The following GABRG3 variants were observed in gnomAD, a reference collection of about 807,000 sequenced individuals.
GABRG3 encodes the protein gamma-aminobutyric acid type A receptor subunit gamma3, also known as gamma-aminobutyric acid receptor subunit gamma-3.
A neutral mutation model predicts 48.8 loss-of-function variants in GABRG3; 25 were observed. That is an observed-to-expected ratio of 0.51 (90% CI 0.37 to 0.72). GABRG3 has a LOEUF of 0.72. GABRG3 is among the 30% of genes least tolerant of loss of function. GABRG3 has a pLI of 0.00. For synonymous variants in GABRG3, 227 were observed against 217.6 expected, an observed-to-expected ratio of 1.04 and a Z score of -0.38; for missense variants, 394 against 577.9, an observed-to-expected ratio of 0.68 and a Z score of 3.26.
chr15:27,129,381 C>T (rs544545195), intron 3 of GABRG3, among the ~76,000 whole-genome samples: 1 of 152,256 alleles, frequency 6.6e-6, no homozygotes, highest in African/African-American at 2.4e-5. Flanking sequence ...CTTAGCATTT[C>T]CTTCCTTTTT....
intron 3 of GABRG3, among the ~76,000 whole-genome samples, chr15:27,037,562 A>G (rs1254430554): frequency 6.6e-6 from 1 of 151,970 alleles, no homozygotes; most frequent in African/African-American, 2.4e-5. Context: ...CTTCCCATAC[A>G]TCTTTCTGCA....
chr15:27,001,887 A>AGTTTTTTTTTTTT (rs1895453928), intron 2 of GABRG3, among the ~76,000 whole-genome samples: 1 of 51,526 alleles, frequency 1.9e-5, no homozygotes, highest in South Asian at 6.5e-4. Context: ...CCCATAACTC[A>AGTTTTTTTTTTTT]GTTTTTTTTT....
At chr15:27,052,120 G>A (rs1896465482) in intron 3 of GABRG3, among the ~76,000 whole-genome samples, 1 of 152,142 alleles carries the variant, frequency 6.6e-6, no homozygotes, top group South Asian at 2.1e-4. Flanking sequence ...ACTGATACCC[G>A]GCCACAGATC....
Position 27,328,845 on chromosome 15 carries a change from C to A in GABRG3, c.531C>A (p.Asn177Lys). The A allele has an allele frequency of 1.9e-6, 3 of 1,614,070 alleles. No individual in the cohort carries two copies. The highest frequency in any genetic ancestry group is 2.5e-6 in the Non-Finnish European group (3 of 1,179,902). ...INAECQLQLH[N>K]FPMDEHSCPL... ...CTGAGTGCCAGCTGCAGCTGCACAA[C>A]TTCCCCATGGACGAACACTCCTGCC... Residue 177 changes from asparagine (N) to lysine (K), a missense_variant, in exon 5 of 10, where the codon AAC (asparagine) becomes AAA (lysine). Coordinates refer to ENST00000615808, the MANE Select transcript of GABRG3 (RefSeq NM_033223.5).
chr15:27,253,769 G>T (rs1890531765), intron 3 of GABRG3, among the ~76,000 whole-genome samples: 1 of 152,222 alleles, frequency 6.6e-6, no homozygotes, highest in Non-Finnish European at 1.5e-5. Context: ...ATCTGCCACT[G>T]TGCCAGCCGG....
intron 5 of GABRG3, among the ~76,000 whole-genome samples, chr15:27,417,995 G>GGAAA (rs1887993408): frequency 6.6e-6 from 1 of 152,220 alleles, no homozygotes; most frequent in Non-Finnish European, 1.5e-5. Context: ...ATGGTGAGTG[G>GGAAA]GAAAGGTCCA....
rs148942057 is a variant in GABRG3, at chr15:27,266,609, A to G, written c.271-60200A>G. ...GGGATTTTGATTAGGAATGCATCAA[A>G]TCTATCATTTGGGAGAATTAGCTCT... is the stretch of plus-strand genomic sequence containing the variant. On this transcript the variant is annotated intron_variant, in intron 3 of 9. Coordinates refer to ENST00000615808, the MANE Select transcript of GABRG3 (RefSeq NM_033223.5). Among the ~76,000 whole-genome samples the G allele has an allele frequency of 5.9e-5, 9 of 152,320 alleles. No individual in the cohort carries two copies. In the East Asian group the frequency reaches 7.7e-4, roughly 13 times the overall value.
chr15:27,321,983 T>C (rs1002489687), intron 3 of GABRG3, among the ~76,000 whole-genome samples: 1 of 152,250 alleles, frequency 6.6e-6, no homozygotes, highest in African/African-American at 2.4e-5. Context: ...AGCCTGATGG[T>C]TTACATTGGA....
At chr15:27,495,418 C>G (rs1890461957) in intron 6 of GABRG3, among the ~76,000 whole-genome samples, 1 of 152,170 alleles carries the variant, frequency 6.6e-6, no homozygotes, top group Non-Finnish European at 1.5e-5. Flanking sequence ...GTGAATGATG[C>G]TGTTGTGAAC....
intron 3 of GABRG3, among the ~76,000 whole-genome samples, chr15:27,132,102 T>C (rs1897925493): frequency 6.6e-6 from 1 of 152,128 alleles, no homozygotes; most frequent in South Asian, 2.1e-4. Flanking sequence ...CTCTGCTAAT[T>C]GTTTCCTTTG....
chr15:27,308,406 A>G (rs1365767988), intron 3 of GABRG3, among the ~76,000 whole-genome samples: 1 of 145,266 alleles, frequency 6.9e-6, no homozygotes, highest in East Asian at 2.1e-4. Context: ...TAATATAAAC[A>G]TATATAAACA....
chr15:27,312,969 A>G (rs1347471104), intron 3 of GABRG3, among the ~76,000 whole-genome samples: 1 of 150,922 alleles, frequency 6.6e-6, no homozygotes, highest in Non-Finnish European at 1.5e-5. Flanking sequence ...ATGGGTGCAC[A>G]ATATAAATGG....
At chr15:27,259,479 G>C (rs532543288) in intron 3 of GABRG3, among the ~76,000 whole-genome samples, 1 of 152,142 alleles carries the variant, frequency 6.6e-6, no homozygotes, top group Admixed American at 6.5e-5. Context: ...AGGCTCTCCT[G>C]TTGTCTCAAA....
At chr15:27,003,930 G>T (rs1381175569) in intron 2 of GABRG3, among the ~76,000 whole-genome samples, 7 of 149,694 alleles carry the variant, frequency 4.7e-5, no homozygotes, top group Non-Finnish European at 8.9e-5. Flanking sequence ...AGGGGCGGCC[G>T]GGCAGAGGCG....
chr15:27,306,754 G>C (rs1288017522), intron 3 of GABRG3, among the ~76,000 whole-genome samples: 7 of 112,056 alleles, frequency 6.2e-5, no homozygotes, highest in South Asian at 2.7e-4. Flanking sequence ...ATATAAACAT[G>C]TTTATATATA....
At chr15:27,313,300 A>ATATATATATATATATATATATATATG (rs1893090916) in intron 3 of GABRG3, among the ~76,000 whole-genome samples, 2 of 113,790 alleles carry the variant, frequency 1.8e-5, no homozygotes, top group Admixed American at 2.1e-4. Flanking sequence ...ATATATATAT[A>ATATATATATATATATATATATATATG]TATATATATA....
At chr15:27,310,301 G>A (rs1347491041) in intron 3 of GABRG3, among the ~76,000 whole-genome samples, 2 of 151,998 alleles carry the variant, frequency 1.3e-5, no homozygotes, top group Non-Finnish European at 2.9e-5. Flanking sequence ...TAAAATTTAT[G>A]GAAGGTCATG....
At chr15:27,187,608 G>A (rs951293147) in intron 3 of GABRG3, among the ~76,000 whole-genome samples, 5 of 152,008 alleles carry the variant, frequency 3.3e-5, no homozygotes, top group African/African-American at 9.6e-5. Flanking sequence ...TGTTCTCCTT[G>A]TAGAGCTCTA....
At chr15:27,004,166 G>A (rs1457196049) in intron 2 of GABRG3, among the ~76,000 whole-genome samples, 1 of 151,158 alleles carries the variant, frequency 6.6e-6, no homozygotes, top group East Asian at 2.0e-4. Flanking sequence ...TGGCTGCCGG[G>A]CGGAGAGGCT....
Sources: allele counts gnomAD v4.1 joint callset (sites outside exome capture counted in the v4.1 genomes callset), GRCh38; gene constraint gnomAD v4.1.1; transcripts MANE v1.5; gene names NCBI Gene and HGNC (gene_info 2026-07-23, HGNC 2026-07-21).